Variants in LOC400499 observed in about 807,000 individuals in gnomAD.
At chr16:11,476,656 A>G in the LOC400499 span, 1 of 341,472 alleles carries the variant, frequency 2.9e-6, no homozygotes, top group East Asian at 3.8e-5. Context: ...GTGCACACGC[A>G]GACGTGATCA....
At chr16:11,460,181 C>A in the LOC400499 span, 30 of 848,806 alleles carry the variant, frequency 3.5e-5, no homozygotes, top group Non-Finnish European at 4.8e-5. Flanking sequence ...GTAGAAAGCA[C>A]TATTTTTTTT....
At chr16:11,383,549 T>C in the LOC400499 span, 2 of 1,184,160 alleles carry the variant, frequency 1.7e-6, no homozygotes, top group African/African-American at 3.2e-5. Context: ...CAATTATTTG[T>C]CCTCCCTGGT....
the LOC400499 span, among the ~76,000 whole-genome samples, chr16:11,385,573 C>T: frequency 6.6e-6 from 1 of 152,216 alleles, no homozygotes; most frequent in African/African-American, 2.4e-5. Context: ...GCCAGAGGCC[C>T]AGGGATCCCC....
chr16:11,409,158 G>C, the LOC400499 span, among the ~76,000 whole-genome samples: 1 of 152,090 alleles, frequency 6.6e-6, no homozygotes, highest in Non-Finnish European at 1.5e-5. Flanking sequence ...CTACTCAGGA[G>C]GCTGAGGCAG....
At chr16:11,436,137 T>C in the LOC400499 span, among the ~76,000 whole-genome samples, 1 of 152,064 alleles carries the variant, frequency 6.6e-6, no homozygotes, top group Non-Finnish European at 1.5e-5. Context: ...GAGTTCTTAC[T>C]GTACAAATGG....
the LOC400499 span, chr16:11,424,167 A>G: frequency 2.5e-6 from 1 of 399,436 alleles, no homozygotes; most frequent in Non-Finnish European, 4.4e-6. Context: ...GAGGCTGGGC[A>G]TGGTGTGGGT....
At chr16:11,408,006 G>A in the LOC400499 span, among the ~76,000 whole-genome samples, 1 of 114,514 alleles carries the variant, frequency 8.7e-6, no homozygotes, top group African/African-American at 3.6e-5. Flanking sequence ...TTGAGAAGGA[G>A]TCTTGCTCTG....
At chr16:11,402,775 C>A in the LOC400499 span, among the ~76,000 whole-genome samples, 2 of 152,180 alleles carry the variant, frequency 1.3e-5, no homozygotes, top group Non-Finnish European at 2.9e-5. Context: ...GCCTCGTGAG[C>A]AAGGCGCCAC....
the LOC400499 span, chr16:11,493,522 C>T: frequency 5.1e-6 from 2 of 389,452 alleles, no homozygotes; most frequent in East Asian, 7.3e-5. Context: ...AGTACCCAGC[C>T]CACAGTAGGT....
chr16:11,500,409 GC>G, the LOC400499 span, among the ~76,000 whole-genome samples: 653 of 152,180 alleles, frequency 4.3e-3, 11 homozygotes, highest in Admixed American at 0.037. Flanking sequence ...TACTTGGGAG[GC>G]TGAGGCAGAA....
chr16:11,436,207 C>T, the LOC400499 span, among the ~76,000 whole-genome samples: 3 of 152,174 alleles, frequency 2.0e-5, no homozygotes, highest in Non-Finnish European at 2.9e-5. Context: ...CTCTAAAACT[C>T]GTGCTGGTGC....
the LOC400499 span, among the ~76,000 whole-genome samples, chr16:11,503,567 G>A: frequency 4.6e-5 from 7 of 152,164 alleles, no homozygotes; most frequent in Non-Finnish European, 5.9e-5. Flanking sequence ...CTCCGAGGCT[G>A]GGACCTGCTT....
chr16:11,424,424 G>A, the LOC400499 span: 1 of 399,084 alleles, frequency 2.5e-6, no homozygotes, highest in Middle Eastern at 6.3e-4. Flanking sequence ...TAGTCAGGAT[G>A]GGAACATGAC....
chr16:11,421,558 C>T, the LOC400499 span, among the ~76,000 whole-genome samples: 8 of 152,278 alleles, frequency 5.3e-5, no homozygotes, highest in South Asian at 2.1e-4. Flanking sequence ...TGCGCCACCA[C>T]GCCCAGCTAA....
At chr16:11,386,274 G>A in the LOC400499 span, among the ~76,000 whole-genome samples, 5 of 152,218 alleles carry the variant, frequency 3.3e-5, no homozygotes, top group East Asian at 9.6e-4. Flanking sequence ...CCTTGCCCGT[G>A]GCCAGGAAGC....
At chr16:11,433,751 T>C in the LOC400499 span, among the ~76,000 whole-genome samples, 7 of 152,112 alleles carry the variant, frequency 4.6e-5, no homozygotes, top group African/African-American at 1.4e-4. Flanking sequence ...GAAGCCACCA[T>C]AGAAATCCCT....
chr16:11,505,994 G>C, the LOC400499 span, among the ~76,000 whole-genome samples: 1 of 151,928 alleles, frequency 6.6e-6, no homozygotes, highest in Non-Finnish European at 1.5e-5. Flanking sequence ...GTGTATATTT[G>C]CACCCATTAG....
the LOC400499 span, chr16:11,467,056 G>C: frequency 3.2e-3 from 491 of 154,160 alleles, 1 homozygote; most frequent in Middle Eastern, 0.016. Flanking sequence ...GGGTTCAAGT[G>C]ATTCTTCTGC....
the LOC400499 span, among the ~76,000 whole-genome samples, chr16:11,466,957 A>G: frequency 2.0e-5 from 3 of 151,962 alleles, no homozygotes; most frequent in African/African-American, 7.3e-5. Context: ...ACACACACAC[A>G]TATATATATT....
Sources: gnomAD v4.1 joint callset for allele counts (sites outside exome capture counted in the v4.1 genomes callset) on GRCh38, gnomAD v4.1.1 for gene constraint, MANE v1.5 for transcripts.